DAB1: variants seen among roughly 807,000 people sequenced by gnomAD.
DAB1 encodes the protein DAB adaptor protein 1, also known as disabled homolog 1.
Under a neutral mutation model 64.6 loss-of-function variants are expected in DAB1, and 15 were observed. The ratio of observed to expected loss-of-function variants is 0.23; its 90% CI spans 0.16 to 0.36. DAB1 has a LOEUF of 0.36. Among genes scored for constraint, DAB1 ranks in the 10% least tolerant of loss-of-function variants. The pLI, the probability that DAB1 is intolerant of heterozygous loss-of-function variation, is 1.00. For synonymous variants in DAB1, 235 were observed against 251.9 expected, an observed-to-expected ratio of 0.93 and a Z score of 0.64; for missense variants, 596 against 706.7, an observed-to-expected ratio of 0.84 and a Z score of 1.78.
At chr1:57,933,901 C>CTTT (rs750638241) in intron 5 of DAB1, among the ~76,000 whole-genome samples, 1 of 146,178 alleles carries the variant, frequency 6.8e-6, no homozygotes, top group African/African-American at 2.5e-5. Flanking sequence ...TGTGGTCAGT[C>CTTT]TTTTTTTTTT....
At chr1:58,415,480 C>T (rs1644710722) in intron 3 of DAB1, 1 of 244,030 alleles carries the variant, frequency 4.1e-6, no homozygotes, top group Non-Finnish European at 6.6e-6. Context: ...GGGATACATG[C>T]ATATCCTAGA....
At chr1:58,015,883 T>A (rs1380567904) in intron 5 of DAB1, among the ~76,000 whole-genome samples, 1 of 152,092 alleles carries the variant, frequency 6.6e-6, no homozygotes, top group African/African-American at 2.4e-5. Flanking sequence ...AGCTGGGAGG[T>A]TCTGCAAGGA....
chr1:57,663,352 C>T (rs1310313944), intron 6 of DAB1, among the ~76,000 whole-genome samples: 1 of 152,108 alleles, frequency 6.6e-6, no homozygotes, highest in Non-Finnish European at 1.5e-5. Flanking sequence ...GAGATTTTGG[C>T]GGGGACACAA....
chr1:57,087,353 G>A (rs77906130), intron 4 of DAB1, among the ~76,000 whole-genome samples: 2,485 of 152,340 alleles, frequency 0.016, 79 homozygotes, highest in African/African-American at 0.057. Flanking sequence ...GCCTCACTGG[G>A]GCAGGATGCC....
In DAB1 at chr1:58,533,983, A is replaced by G. The variant is rs145736065; in HGVS notation, n.33-6648T>C. On this transcript the variant is annotated intron_variant and non_coding_transcript_variant, in intron 1 of 20. Coordinates refer to the DAB1 transcript ENST00000485760. ...GCCCAAGTACTGCATGTGCTATTTC[A>G]TGGCCCAGAAGGAAAGAAAGTTGAT... 3.4e-6 allele frequency: 3 copies of G among 871,938 alleles called. No homozygotes were observed. In the African/African-American group the frequency reaches 4.9e-5, roughly 14 times the overall value. 54.0% of individuals were successfully genotyped at this position (871,938 alleles called of 1,614,324 possible). A position where few individuals can be genotyped will look rare whatever the true frequency, so the allele number is the denominator to read the frequency against.
intron 4 of DAB1, among the ~76,000 whole-genome samples, chr1:57,130,517 T>G (rs1360424572): frequency 3.3e-5 from 5 of 152,120 alleles, no homozygotes; most frequent in Non-Finnish European, 7.4e-5. Flanking sequence ...TTAAGTGTGG[T>G]ACCAGCGAAT....
chr1:57,562,209 C>T (rs532864962), intron 7 of DAB1, among the ~76,000 whole-genome samples: 19 of 152,246 alleles, frequency 1.2e-4, no homozygotes, highest in Non-Finnish European at 2.6e-4. Context: ...CCCATCTCTA[C>T]TAAAAATACA....
At chr1:57,792,665 C>G in intron 6 of DAB1, among the ~76,000 whole-genome samples, 1 of 152,158 alleles carries the variant, frequency 6.6e-6, no homozygotes, top group East Asian at 1.9e-4. Flanking sequence ...TCTCTATTCT[C>G]CTGAAACCTT....
At chr1:58,148,376 A>G (rs2100728161) in intron 5 of DAB1, among the ~76,000 whole-genome samples, 1 of 152,280 alleles carries the variant, frequency 6.6e-6, no homozygotes, top group South Asian at 2.1e-4. Context: ...GCCAACCGCT[A>G]CCCACTGTCT....
chr1:57,572,804 C>A (rs1256314310), intron 7 of DAB1, among the ~76,000 whole-genome samples: 19 of 152,034 alleles, frequency 1.2e-4, no homozygotes, highest in Admixed American at 1.2e-3. Flanking sequence ...CCTCAGGAGG[C>A]TTATAATCTT....
intron 6 of DAB1, among the ~76,000 whole-genome samples, chr1:57,743,067 T>C (rs1648079269): frequency 6.6e-6 from 1 of 152,142 alleles, no homozygotes; most frequent in Non-Finnish European, 1.5e-5. Flanking sequence ...TCACAACTGC[T>C]CCTTTATTGT....
chr1:57,926,708 T>G (rs755956220), intron 5 of DAB1, among the ~76,000 whole-genome samples: 2 of 152,250 alleles, frequency 1.3e-5, no homozygotes, highest in African/African-American at 4.8e-5. Flanking sequence ...ATATGACTAT[T>G]ACAGATGGCC....
chr1:57,404,776 C>T (rs1438947426), intron 1 of DAB1, among the ~76,000 whole-genome samples: 4 of 152,158 alleles, frequency 2.6e-5, no homozygotes, highest in African/African-American at 9.7e-5. Flanking sequence ...TCATATTCTG[C>T]TGAAGCTTCT....
intron 1 of DAB1, among the ~76,000 whole-genome samples, chr1:58,533,750 T>A (rs1272281909): frequency 1.3e-5 from 2 of 152,294 alleles, no homozygotes; most frequent in Non-Finnish European, 2.9e-5. Context: ...AGAAAAATAT[T>A]ATTCAGTATC....
chr1:58,491,197 T>C (rs914588978), intron 3 of DAB1, among the ~76,000 whole-genome samples: 4 of 152,076 alleles, frequency 2.6e-5, no homozygotes, highest in Admixed American at 6.5e-5. Context: ...TAAAATACTT[T>C]ACAGACAAGC....
intron 1 of DAB1, among the ~76,000 whole-genome samples, chr1:57,321,060 C>A (rs918931540): frequency 6.6e-6 from 1 of 152,116 alleles, no homozygotes; most frequent in Middle Eastern, 3.4e-3. Context: ...GATGATGAAA[C>A]GAAGGTATAC....
At chr1:57,657,000 C>T (rs1646326759) in intron 6 of DAB1, among the ~76,000 whole-genome samples, 1 of 152,154 alleles carries the variant, frequency 6.6e-6, no homozygotes, top group Non-Finnish European at 1.5e-5. Context: ...TATAATTAGG[C>T]TTATTATACA....
chr1:58,026,450 A>C (rs1259053602), intron 5 of DAB1, among the ~76,000 whole-genome samples: 1 of 152,146 alleles, frequency 6.6e-6, no homozygotes, highest in Admixed American at 6.5e-5. Flanking sequence ...CAATCTCATA[A>C]GGCTGTTATG....
chr1:57,660,874 A>G (rs1392207915), intron 6 of DAB1, among the ~76,000 whole-genome samples: 1 of 152,132 alleles, frequency 6.6e-6, no homozygotes, highest in African/African-American at 2.4e-5. Flanking sequence ...TGACTGCATC[A>G]CTGTTTAGCT....
Sources: allele counts gnomAD v4.1 joint callset (sites outside exome capture counted in the v4.1 genomes callset), GRCh38; gene constraint gnomAD v4.1.1; transcripts MANE v1.5; gene names NCBI Gene and HGNC (gene_info 2026-07-23, HGNC 2026-07-21).